The following MYRIP variants were observed in gnomAD, a reference collection of about 807,000 sequenced individuals.
MYRIP encodes the protein myosin VIIA and Rab interacting protein.
MYRIP carries 49 observed loss-of-function variants against 98.0 expected under a neutral mutation model. The ratio of observed to expected loss-of-function variants is 0.50; its 90% CI spans 0.40 to 0.63. The LOEUF is 0.63. MYRIP is among the 30% of genes least tolerant of loss of function. MYRIP has a pLI of 0.00. For missense variants in MYRIP, 1,004 were observed against 1,058.2 expected, an observed-to-expected ratio of 0.95 and a Z score of 0.71; for synonymous variants, 404 against 409.5, an observed-to-expected ratio of 0.99 and a Z score of 0.16.
intron 3 of MYRIP, chr3:40,071,021 G>C: frequency 8.5e-6 from 4 of 471,546 alleles, no homozygotes; most frequent in Non-Finnish European, 1.1e-5. Context: ...CATGGAGTGA[G>C]TCACACAAGA....
chr3:39,986,909 T>A (rs1267276751), intron 2 of MYRIP, among the ~76,000 whole-genome samples: 2 of 152,186 alleles, frequency 1.3e-5, no homozygotes, highest in Non-Finnish European at 2.9e-5. Context: ...TCTTCTCTTG[T>A]ATCCTGCTTC....
chr3:40,071,556 C>A (rs11129862), intron 3 of MYRIP, among the ~76,000 whole-genome samples: 42,735 of 151,008 alleles, frequency 0.28, 6,132 homozygotes, highest in East Asian at 0.37. Context: ...GCACAAGGGT[C>A]AACTCTAGGT....
At chr3:39,871,797 TC>T (rs1942797028) in intron 1 of MYRIP, among the ~76,000 whole-genome samples, 1 of 152,096 alleles carries the variant, frequency 6.6e-6, no homozygotes, top group African/African-American at 2.4e-5. Flanking sequence ...GTCTGAATTA[TC>T]TAGAATTATT....
chr3:39,880,174 A>G (rs887585133), intron 1 of MYRIP, among the ~76,000 whole-genome samples: 1 of 152,146 alleles, frequency 6.6e-6, no homozygotes, highest in Admixed American at 6.5e-5. Context: ...GTCATTTATC[A>G]TTAGGTATAT....
At chr3:40,160,633 A>G (rs1022532303) in intron 4 of MYRIP, among the ~76,000 whole-genome samples, 6 of 152,178 alleles carry the variant, frequency 3.9e-5, no homozygotes, top group African/African-American at 1.4e-4. Context: ...CTGCTGTGCT[A>G]GCAATCAGCG....
intron 2 of MYRIP, among the ~76,000 whole-genome samples, chr3:39,976,733 C>T (rs1945762457): frequency 6.6e-6 from 1 of 152,084 alleles, no homozygotes; most frequent in Non-Finnish European, 1.5e-5. Context: ...GGATGAGTTC[C>T]TTGTCCTTTG....
chr3:39,910,406 A>G (rs1179996797), intron 2 of MYRIP, among the ~76,000 whole-genome samples: 1 of 152,170 alleles, frequency 6.6e-6, no homozygotes. Context: ...ATCTTGGAAA[A>G]TCTGGCACCT....
chr3:39,907,156 G>T (rs1420895542), intron 2 of MYRIP, among the ~76,000 whole-genome samples: 1 of 152,162 alleles, frequency 6.6e-6, no homozygotes. Flanking sequence ...CAAAGGCCAT[G>T]TTCCCTCCTC....
intron 3 of MYRIP, among the ~76,000 whole-genome samples, chr3:40,109,658 C>T (rs1949119381): frequency 6.6e-6 from 1 of 152,088 alleles, no homozygotes; most frequent in Non-Finnish European, 1.5e-5. Flanking sequence ...CAGAGGAGGC[C>T]CCATTTCAAA....
chr3:40,207,848 T>A (rs1451687970), intron 10 of MYRIP, among the ~76,000 whole-genome samples: 1 of 152,224 alleles, frequency 6.6e-6, no homozygotes, highest in African/African-American at 2.4e-5. Context: ...GAGATTTCAA[T>A]AATATAACCA....
intron 2 of MYRIP, among the ~76,000 whole-genome samples, chr3:40,004,550 T>C (rs940287183): frequency 1.3e-5 from 2 of 152,168 alleles, no homozygotes; most frequent in African/African-American, 4.8e-5. Flanking sequence ...TTTTTAGTGG[T>C]GATTTCTGAG....
At chr3:39,948,189 C>T (rs962666573) in intron 2 of MYRIP, among the ~76,000 whole-genome samples, 1 of 152,144 alleles carries the variant, frequency 6.6e-6, no homozygotes, top group Non-Finnish European at 1.5e-5. Context: ...AAAAATGTGT[C>T]ATATAGCCTC....
chr3:39,873,512 G>T (rs1309134361), intron 1 of MYRIP, among the ~76,000 whole-genome samples: 5 of 152,050 alleles, frequency 3.3e-5, no homozygotes, highest in South Asian at 2.1e-4. Flanking sequence ...AATTGATTTT[G>T]GTATAAGGTG....
At chr3:39,989,747 C>T (rs1946125263) in intron 2 of MYRIP, among the ~76,000 whole-genome samples, 1 of 152,212 alleles carries the variant, frequency 6.6e-6, no homozygotes. Flanking sequence ...GGAGGCCCTG[C>T]CTTGATGGGT....
intron 1 of MYRIP, among the ~76,000 whole-genome samples, chr3:39,862,714 A>C (rs1942509607): frequency 6.6e-6 from 1 of 152,118 alleles, no homozygotes; most frequent in Non-Finnish European, 1.5e-5. Flanking sequence ...CACCCCACTG[A>C]CTGTGTTAGG....
chr3:40,107,894 T>C (rs2125898547), intron 3 of MYRIP, among the ~76,000 whole-genome samples: 1 of 152,338 alleles, frequency 6.6e-6, no homozygotes, highest in African/African-American at 2.4e-5. Flanking sequence ...AAGGGAATGC[T>C]ATCACAAAGC....
intron 3 of MYRIP, among the ~76,000 whole-genome samples, chr3:40,102,318 G>C (rs949709103): frequency 6.6e-6 from 1 of 152,204 alleles, no homozygotes; most frequent in South Asian, 2.1e-4. Context: ...CACTTCCAAA[G>C]GTAACTGATG....
At chr3:39,830,346 G>A (rs1161398151) in intron 1 of MYRIP, among the ~76,000 whole-genome samples, 2 of 152,150 alleles carry the variant, frequency 1.3e-5, no homozygotes, top group Non-Finnish European at 2.9e-5. Context: ...CTGGCCTCAC[G>A]TGACCATGAA....
At chr3:40,251,829 A>G (rs561980848) in intron 15 of MYRIP, 52 bp from the exon 16 acceptor site, 1 of 1,282,378 alleles carries the variant, frequency 7.8e-7, no homozygotes, top group African/African-American at 1.5e-5. Context: ...TTCCTTAACA[A>G]TCAATCAGTC....
Sources: gnomAD v4.1 joint callset for allele counts (sites outside exome capture counted in the v4.1 genomes callset) on GRCh38, gnomAD v4.1.1 for gene constraint, MANE v1.5 for transcripts, NCBI Gene and HGNC (gene_info 2026-07-23, HGNC 2026-07-21) for gene names.